Variants in MCF2L2 observed in about 807,000 individuals in gnomAD.
MCF2L2 encodes MCF.2 cell line derived transforming sequence-like 2, also known as probable guanine nucleotide exchange factor MCF2L2.
Under a neutral mutation model 150.2 loss-of-function variants are expected in MCF2L2, and 102 were observed. That is an observed-to-expected ratio of 0.68 (90% CI 0.58 to 0.80). The LOEUF (loss-of-function observed/expected upper bound fraction) is 0.80. Among genes scored for constraint, MCF2L2 ranks in the 30% least tolerant of loss-of-function variants. MCF2L2 has a pLI of 0.00. For synonymous variants in MCF2L2, 465 were observed against 491.3 expected (o/e 0.95, Z 0.71); for missense variants, 1,256 against 1,372.8 (o/e 0.91, Z 1.34).
At chr3:183,286,200 G>A (rs1016020887) in intron 14 of MCF2L2, among the ~76,000 whole-genome samples, 2 of 152,154 alleles carry the variant, frequency 1.3e-5, no homozygotes, top group African/African-American at 4.8e-5. Context: ...AATTTTAGCT[G>A]TAGGTGGTGA....
intron 15 of MCF2L2, among the ~76,000 whole-genome samples, chr3:183,248,004 C>T (rs990451352): frequency 1.1e-4 from 17 of 152,110 alleles, no homozygotes; most frequent in African/African-American, 1.7e-4. Context: ...GTCAAAGAGC[C>T]GAAAATGTTG....
chr3:183,390,838 C>A (rs139262356), intron 1 of MCF2L2, among the ~76,000 whole-genome samples: 1 of 152,082 alleles, frequency 6.6e-6, no homozygotes, highest in African/African-American at 2.4e-5. Context: ...TTGAGGCTGT[C>A]GTTAGCCATG....
intron 15 of MCF2L2, among the ~76,000 whole-genome samples, chr3:183,273,780 T>C (rs1418409808): frequency 6.6e-6 from 1 of 152,208 alleles, no homozygotes. Flanking sequence ...GCCTGCAGTA[T>C]TCAGTACAGC....
At chr3:183,223,257 G>A (rs1261052845) in intron 20 of MCF2L2, 89 bp downstream of exon 20, 4 of 951,494 alleles carry the variant, frequency 4.2e-6, no homozygotes, top group Non-Finnish European at 6.7e-6. Flanking sequence ...AGAAGACCAA[G>A]GCACAGCTCT....
intron 3 of MCF2L2, among the ~76,000 whole-genome samples, chr3:183,351,240 ATT>A (rs1560035114): frequency 7.0e-5 from 6 of 85,818 alleles, no homozygotes; most frequent in African/African-American, 3.2e-4. Context: ...ATATATATTT[ATT>A]TATTTATTTA....
chr3:183,273,167 A>G, intron 15 of MCF2L2: 1 of 538,418 alleles, frequency 1.9e-6, no homozygotes, highest in Non-Finnish European at 3.2e-6. Flanking sequence ...AGGGAAAATA[A>G]ACTATCAGCT....
At chr3:183,185,588 T>C (rs1202926166) in intron 27 of MCF2L2, among the ~76,000 whole-genome samples, 1 of 152,180 alleles carries the variant, frequency 6.6e-6, no homozygotes, top group Non-Finnish European at 1.5e-5. Context: ...CATCATTGTG[T>C]TGTGTGTGCT....
intron 5 of MCF2L2, among the ~76,000 whole-genome samples, chr3:183,330,245 G>GAAAAAAAAAAAAAAAAA (rs200391954): frequency 1.7e-5 from 1 of 57,338 alleles, no homozygotes; most frequent in African/African-American, 7.2e-5. Flanking sequence ...ACCCTGTCTT[G>GAAAAAAAAAAAAAAAAA]AAAAAAAAAA....
At chr3:183,296,753 A>C in intron 12 of MCF2L2, 1 of 510,690 alleles carries the variant, frequency 2.0e-6, no homozygotes. Context: ...GAATGCTCAT[A>C]AGCATTAATA....
chr3:183,359,954 C>T (rs546800407), intron 3 of MCF2L2, among the ~76,000 whole-genome samples: 3 of 152,236 alleles, frequency 2.0e-5, no homozygotes, highest in South Asian at 2.1e-4. Flanking sequence ...AGCTGGAAAA[C>T]GTGGGTATTG....
At chr3:183,415,665 G>A (rs1340011531) in intron 1 of MCF2L2, among the ~76,000 whole-genome samples, 1 of 152,032 alleles carries the variant, frequency 6.6e-6, no homozygotes, top group Non-Finnish European at 1.5e-5. Context: ...TACTGTATCT[G>A]ATATTAGTAT....
intron 9 of MCF2L2, 42 bp from the exon 10 acceptor site, chr3:183,309,877 C>T: frequency 6.2e-7 from 1 of 1,609,058 alleles, no homozygotes; most frequent in Non-Finnish European, 8.5e-7. Context: ...AACCAACACT[C>T]ACTCACCTGA....
intron 14 of MCF2L2, among the ~76,000 whole-genome samples, chr3:183,282,140 T>C (rs1302941221): frequency 6.6e-6 from 1 of 151,700 alleles, no homozygotes. Flanking sequence ...ATTTACTTAC[T>C]GGTTAAATTG....
At chr3:183,281,649 A>C (rs1454821781) in intron 14 of MCF2L2, among the ~76,000 whole-genome samples, 2 of 152,144 alleles carry the variant, frequency 1.3e-5, no homozygotes, top group Non-Finnish European at 2.9e-5. Context: ...GTGGTGAACT[A>C]GCTCAGACTG....
intron 14 of MCF2L2, among the ~76,000 whole-genome samples, chr3:183,284,913 C>T (rs1727704795): frequency 6.6e-6 from 1 of 152,168 alleles, no homozygotes. Flanking sequence ...CTCCCATTAG[C>T]TCTGACACTG....
intron 3 of MCF2L2, among the ~76,000 whole-genome samples, chr3:183,362,606 T>TA (rs59562818): frequency 8.3e-4 from 120 of 144,152 alleles, no homozygotes; most frequent in East Asian, 4.2e-3. Context: ...CTTACAGGAT[T>TA]AAAAAAAAAA....
chr3:183,365,485 C>T (rs1440294628), intron 3 of MCF2L2, among the ~76,000 whole-genome samples: 1 of 152,144 alleles, frequency 6.6e-6, no homozygotes, highest in Non-Finnish European at 1.5e-5. Flanking sequence ...TATGAATAGA[C>T]AGACACACCA....
chr3:183,303,313 G>C (rs1322603229), intron 10 of MCF2L2, among the ~76,000 whole-genome samples: 1 of 152,134 alleles, frequency 6.6e-6, no homozygotes, highest in African/African-American at 2.4e-5. Context: ...ATGAGCCAAT[G>C]AGCTACATGA....
chr3:183,406,582 G>A (rs1045736791), intron 1 of MCF2L2, among the ~76,000 whole-genome samples: 9 of 152,050 alleles, frequency 5.9e-5, no homozygotes, highest in Admixed American at 2.0e-4. Context: ...TCTGCCACCC[G>A]GGTCCAAGCG....
Sources: gnomAD v4.1 joint callset for allele counts (sites outside exome capture counted in the v4.1 genomes callset) on GRCh38, gnomAD v4.1.1 for gene constraint, MANE v1.5 for transcripts, NCBI Gene and HGNC (gene_info 2026-07-23, HGNC 2026-07-21) for gene names.